The following NUMB variants were observed in gnomAD, a reference collection of about 807,000 sequenced individuals.
The protein encoded by NUMB is NUMB endocytic adaptor protein.
NUMB carries 29 observed loss-of-function variants against 59.7 expected under a neutral mutation model. That is an observed-to-expected ratio of 0.49 (90% CI 0.36 to 0.66). The LOEUF (loss-of-function observed/expected upper bound fraction) is 0.66. NUMB is among the 30% of genes least tolerant of loss of function. NUMB has a pLI of 0.00. For synonymous variants in NUMB, 288 were observed against 288.2 expected, an observed-to-expected ratio of 1.00 and a Z score of 0.01; for missense variants, 723 against 822.0, an observed-to-expected ratio of 0.88 and a Z score of 1.47.
chr14:73,440,491 T>C lies in NUMB; in HGVS notation c.-233+18002A>G, dbSNP rs142967066. 4.6e-3 allele frequency among the ~76,000 whole-genome samples: 704 copies of C among 151,802 alleles called. 5 individuals are homozygous for C. The highest frequency in any genetic ancestry group is 0.03 in the South Asian group (143 of 4,810). ...TCTTACAAGAAAACATAGGTATAAATATTCACAACCTTGGATTGGGCAATA... is the reference window on the plus strand; with the variant it reads ...TCTTACAAGAAAACATAGGTATAAACATTCACAACCTTGGATTGGGCAATA... On this transcript the variant is annotated intron_variant, in intron 1 of 12. Transcript: ENST00000555238.
intron 1 of NUMB, among the ~76,000 whole-genome samples, chr14:73,424,472 C>T (rs1897496494): frequency 6.6e-6 from 1 of 152,136 alleles, no homozygotes; most frequent in Admixed American, 6.6e-5. Flanking sequence ...AATGAAGTCA[C>T]TATCAATCCT....
chr14:73,279,873 T>C (rs1166056144), intron 11 of NUMB, among the ~76,000 whole-genome samples: 1 of 152,198 alleles, frequency 6.6e-6, no homozygotes, highest in African/African-American at 2.4e-5. Context: ...TGGTTAAAAA[T>C]AGGCCAGGTG....
chr14:73,426,691 A>G (rs1897597334), intron 1 of NUMB, among the ~76,000 whole-genome samples: 1 of 152,154 alleles, frequency 6.6e-6, no homozygotes, highest in Non-Finnish European at 1.5e-5. Flanking sequence ...CACTAAAAAT[A>G]CAAAAACTAG....
chr14:73,412,649 A>AG (rs897911287), intron 1 of NUMB, among the ~76,000 whole-genome samples: 8 of 151,306 alleles, frequency 5.3e-5, no homozygotes, highest in African/African-American at 1.7e-4. Context: ...AAAAAAAAAA[A>AG]AGAGATGGGG....
chr14:73,452,853 T>C (rs999861572), intron 1 of NUMB, among the ~76,000 whole-genome samples: 1 of 152,194 alleles, frequency 6.6e-6, no homozygotes, highest in African/African-American at 2.4e-5. Flanking sequence ...ACATGCTTTC[T>C]TGAGGGGAAG....
At chr14:73,344,068 T>C (rs1334915025) in intron 4 of NUMB, among the ~76,000 whole-genome samples, 2 of 152,178 alleles carry the variant, frequency 1.3e-5, no homozygotes, top group African/African-American at 4.8e-5. Context: ...TAGAATCAGT[T>C]TTTGTCATTT....
chr14:73,375,142 T>TTTACAATCAACAAAAGAC (rs1489729803), intron 2 of NUMB, among the ~76,000 whole-genome samples: 3 of 152,194 alleles, frequency 2.0e-5, no homozygotes, highest in Non-Finnish European at 4.4e-5. Flanking sequence ...TTTCCTTGAC[T>TTTACAATCAACAAAAGAC]TTACAATCAA....
chr14:73,343,001 T>G (rs1892719793), intron 4 of NUMB, among the ~76,000 whole-genome samples: 1 of 133,752 alleles, frequency 7.5e-6, no homozygotes, highest in Non-Finnish European at 1.5e-5. Flanking sequence ...TAATTTTTTC[T>G]GTTTTTTTTT....
Position 73,456,944 on chromosome 14 carries a change from T to G in NUMB, c.-233+1549A>C, listed in dbSNP as rs1884416677. Among the ~76,000 whole-genome samples, 4 of 152,194 alleles carry G rather than the reference T, an allele frequency of 2.6e-5. No individual in the cohort carries two copies. The South Asian group carries it at 8.3e-4, about 32-fold the overall frequency. On this transcript the variant is annotated intron_variant, in intron 1 of 12. Coordinates refer to ENST00000555238, the MANE Select transcript of NUMB (RefSeq NM_001005743.2). ...AACATCTGCGAGCCAGGTCTTTACC[T>G]TCTATTTAAGAAGTCAGGTCTTTAT...
In NUMB at chr14:73,353,084, T is replaced by C. The variant is rs1357512161; in HGVS notation, c.126+2542A>G. Among the ~76,000 whole-genome samples, 23 of 107,690 alleles carry C rather than the reference T, an allele frequency of 2.1e-4. 3 individuals carry two copies. Among genetic ancestry groups the C allele is most frequent in the Admixed American group, 1.6e-3 (16 of 9,866 alleles). 70.6% of individuals were successfully genotyped at this position (107,690 alleles called of 152,430 possible). A position where few individuals can be genotyped will look rare whatever the true frequency, so the allele number is the denominator to read the frequency against. ...CACAGTTTTTCTTGTTTTTTTTTTT[T>C]TTTTTTTTTTTTTTTTTGAGACAGA... On this transcript the variant is annotated intron_variant, in intron 4 of 12. Transcript: ENST00000555238.
At chr14:73,446,121 C>A (rs895831541) in intron 1 of NUMB, among the ~76,000 whole-genome samples, 1 of 149,524 alleles carries the variant, frequency 6.7e-6, no homozygotes, top group Admixed American at 6.6e-5. Flanking sequence ...CTCAGCCTCC[C>A]GAGTAGCTGG....
At chr14:73,437,138 T>C (rs2140179747) in intron 1 of NUMB, among the ~76,000 whole-genome samples, 1 of 144,648 alleles carries the variant, frequency 6.9e-6, no homozygotes, top group Non-Finnish European at 1.5e-5. Context: ...CTCAACCTCC[T>C]GGGCTCAAGT....
At position 73,276,631 on chromosome 14, in the gene NUMB, G is replaced by A. The variant is rs1307632331; in HGVS notation, c.1903C>T (p.Pro635Ser). 3 of 1,614,086 alleles carry A rather than the reference G, an allele frequency of 1.9e-6. No individual in the cohort carries two copies. Among genetic ancestry groups the A allele is most frequent in the South Asian group, 2.2e-5 (2 of 91,084 alleles). The change falls in exon 13 of 13, where the codon CCT (proline) becomes TCT (serine). Residue 635 changes from proline to serine, a missense_variant. By Grantham distance (74) the Pro-to-Ser change is moderately conservative. Coordinates refer to ENST00000555238, the MANE Select transcript of NUMB (RefSeq NM_001005743.2). ...NKSKQRTNPS[P>S]TNPFSSDLQK... Reference sequence around the variant, plus strand: ...AAGTCACTGGAGAAAGGGTTGGTAGGGGAGGGATTAGTACGCTGCTTGGAC... The same window carrying A: ...AAGTCACTGGAGAAAGGGTTGGTAGAGGAGGGATTAGTACGCTGCTTGGAC...
At chr14:73,303,896 G>C (rs968927051) in intron 6 of NUMB, among the ~76,000 whole-genome samples, 2 of 152,128 alleles carry the variant, frequency 1.3e-5, no homozygotes, top group South Asian at 2.1e-4. Flanking sequence ...AGTGAAAAAT[G>C]AAAGTATAAC....
chr14:73,335,120 C>T (rs765612775), intron 4 of NUMB, among the ~76,000 whole-genome samples: 5 of 151,258 alleles, frequency 3.3e-5, no homozygotes, highest in Non-Finnish European at 5.9e-5. Flanking sequence ...CAACTCAATC[C>T]CTCAATGTTT....
intron 1 of NUMB, among the ~76,000 whole-genome samples, chr14:73,421,254 G>A (rs922509913): frequency 4.0e-5 from 6 of 151,778 alleles, no homozygotes; most frequent in East Asian, 3.9e-4. Context: ...GTGCAATCTC[G>A]GCCCACTGCA....
At chr14:73,319,695 C>G (rs759086842) in intron 5 of NUMB, among the ~76,000 whole-genome samples, 1 of 151,958 alleles carries the variant, frequency 6.6e-6, no homozygotes, top group Non-Finnish European at 1.5e-5. Flanking sequence ...CAAAAGGCAA[C>G]GAGAAATTTC....
chr14:73,428,004 GGGCCTAAGCAAACTTTA>G (rs1462694776), intron 1 of NUMB, among the ~76,000 whole-genome samples: 1 of 152,096 alleles, frequency 6.6e-6, no homozygotes, highest in Non-Finnish European at 1.5e-5. Context: ...TTTGTTGAGT[GGGCCTAAGCAAACTTTA>G]AGTGTTATGG....
chr14:73,305,215 T>C (rs1416178564), intron 6 of NUMB, among the ~76,000 whole-genome samples: 2 of 152,194 alleles, frequency 1.3e-5, no homozygotes, highest in Non-Finnish European at 2.9e-5. Context: ...CATAACAATA[T>C]GTACACAAAT....
Sources: allele counts gnomAD v4.1 joint callset (sites outside exome capture counted in the v4.1 genomes callset), GRCh38; gene constraint gnomAD v4.1.1; transcripts MANE v1.5; gene names NCBI Gene and HGNC (gene_info 2026-07-23, HGNC 2026-07-21).